Variants in RBFOX1 observed in about 807,000 individuals in gnomAD.
The protein encoded by RBFOX1 is RNA binding fox-1 homolog 1, also known as RNA binding protein fox-1 homolog 1.
In RBFOX1, 8 loss-of-function variants were observed where a neutral mutation model predicts 57.7. The ratio of observed to expected loss-of-function variants is 0.14; its 90% CI spans 0.08 to 0.25. The LOEUF (loss-of-function observed/expected upper bound fraction) is 0.25. Among genes scored for constraint, RBFOX1 ranks in the 10% least tolerant of loss-of-function variants. The pLI, the probability that RBFOX1 is intolerant of heterozygous loss-of-function variation, is 1.00. For synonymous variants in RBFOX1, 326 were observed against 222.4 expected, an observed-to-expected ratio of 1.47 and a Z score of -4.15; for missense variants, 611 against 548.5, an observed-to-expected ratio of 1.11 and a Z score of -1.14.
At chr16:6,264,637 T>C (rs949153710) in intron 1 of RBFOX1, among the ~76,000 whole-genome samples, 1 of 152,130 alleles carries the variant, frequency 6.6e-6, no homozygotes, top group East Asian at 1.9e-4. Context: ...TCCCCACCGC[T>C]AATGTGCTCT....
intron 3 of RBFOX1, among the ~76,000 whole-genome samples, chr16:6,866,224 C>T (rs1180384705): frequency 6.6e-6 from 1 of 152,004 alleles, no homozygotes; most frequent in Non-Finnish European, 1.5e-5. Context: ...GTCTTCTCAT[C>T]ATTTTTTAAG....
chr16:7,156,462 C>T (rs998869237), intron 4 of RBFOX1, among the ~76,000 whole-genome samples: 5 of 151,884 alleles, frequency 3.3e-5, no homozygotes, highest in African/African-American at 7.3e-5. Flanking sequence ...TGTACATATA[C>T]ATGCACATAT....
intron 4 of RBFOX1, among the ~76,000 whole-genome samples, chr16:7,476,139 T>C (rs961381604): frequency 3.3e-5 from 5 of 151,986 alleles, no homozygotes; most frequent in African/African-American, 1.2e-4. Flanking sequence ...CAAATTTTTG[T>C]AGTTTTTGTA....
At chr16:5,636,947 T>G (rs997013654) in intron 3 of RBFOX1, among the ~76,000 whole-genome samples, 1 of 152,178 alleles carries the variant, frequency 6.6e-6, no homozygotes, top group Non-Finnish European at 1.5e-5. Flanking sequence ...GGAGCCAGGA[T>G]TTGCCAGCGT....
chr16:5,708,928 A>G (rs2151499969), intron 3 of RBFOX1, among the ~76,000 whole-genome samples: 1 of 152,280 alleles, frequency 6.6e-6, no homozygotes, highest in African/African-American at 2.4e-5. Context: ...CAAGAAGAGG[A>G]ATGAAAACAA....
At chr16:6,993,922 C>T (rs1310868865) in intron 3 of RBFOX1, among the ~76,000 whole-genome samples, 1 of 152,112 alleles carries the variant, frequency 6.6e-6, no homozygotes, top group Admixed American at 6.6e-5. Context: ...TGATTGTAGC[C>T]AATAAGTGCC....
chr16:6,039,161 A>G (rs2095408652), intron 1 of RBFOX1, among the ~76,000 whole-genome samples: 1 of 151,950 alleles, frequency 6.6e-6, no homozygotes, highest in Non-Finnish European at 1.5e-5. Flanking sequence ...GCTGGGATGC[A>G]TGAGAGGGCA....
chr16:6,984,265 A>T (rs1178338440), intron 3 of RBFOX1, among the ~76,000 whole-genome samples: 1 of 152,044 alleles, frequency 6.6e-6, no homozygotes, highest in African/African-American at 2.4e-5. Context: ...AAATAAAATA[A>T]TCCTGGATCC....
intron 3 of RBFOX1, among the ~76,000 whole-genome samples, chr16:5,778,140 G>T (rs2054204980): frequency 6.6e-6 from 1 of 152,100 alleles, no homozygotes; most frequent in South Asian, 2.1e-4. Context: ...GATAAAAGAG[G>T]AGAAGTGTCT....
intron 4 of RBFOX1, among the ~76,000 whole-genome samples, chr16:7,463,503 CA>C (rs1567303533): frequency 1.3e-5 from 2 of 151,286 alleles, no homozygotes; most frequent in Non-Finnish European, 2.9e-5. Context: ...GACTTGGTCT[CA>C]AAAAAACAAA....
intron 3 of RBFOX1, among the ~76,000 whole-genome samples, chr16:6,900,588 G>T (rs538196045): frequency 6.6e-6 from 1 of 152,026 alleles, no homozygotes; most frequent in African/African-American, 2.4e-5. Context: ...GTCTTTTCCA[G>T]TTTTAGCAAT....
intron 10 of RBFOX1, among the ~76,000 whole-genome samples, chr16:7,610,437 G>C (rs2057262212): frequency 1.3e-5 from 2 of 151,630 alleles, no homozygotes; most frequent in South Asian, 4.2e-4. Context: ...CTATGATCAT[G>C]CTACTGCTCT....
intron 2 of RBFOX1, among the ~76,000 whole-genome samples, chr16:5,474,600 G>C (rs1030016710): frequency 4.6e-5 from 7 of 151,986 alleles, no homozygotes; most frequent in Middle Eastern, 3.2e-3. Context: ...GTTGCAGTGA[G>C]CTGAGATCGC....
At position 6,901,412 on chromosome 16, in the gene RBFOX1, G is replaced by A. The variant is rs181086649; in HGVS notation, c.-15-150645G>A. Among the ~76,000 whole-genome samples, 112 of 152,206 alleles carry A rather than the reference G, an allele frequency of 7.4e-4. 2 individuals are homozygous for A. The highest frequency in any genetic ancestry group is 7.2e-3 in the Admixed American group (110 of 15,296). On this transcript the variant is annotated intron_variant, in intron 3 of 15. Transcript: ENST00000550418. Reference sequence around the variant, plus strand: ...ACAGGACGTTCCTACTACCTTTGGGGAAGACAATAACACAGAGTCCAAGAG... The same window carrying A: ...ACAGGACGTTCCTACTACCTTTGGGAAAGACAATAACACAGAGTCCAAGAG...
At chr16:7,183,161 C>A (rs909740513) in intron 4 of RBFOX1, among the ~76,000 whole-genome samples, 1 of 152,128 alleles carries the variant, frequency 6.6e-6, no homozygotes, top group Non-Finnish European at 1.5e-5. Flanking sequence ...TTAGTTGAGG[C>A]AGAGTGGGTT....
chr16:5,950,664 G>T (rs2059501069), intron 4 of RBFOX1, among the ~76,000 whole-genome samples: 1 of 152,164 alleles, frequency 6.6e-6, no homozygotes, highest in African/African-American at 2.4e-5. Flanking sequence ...CACTTACCTG[G>T]CCAAGCTCTT....
intron 2 of RBFOX1, among the ~76,000 whole-genome samples, chr16:6,359,398 AG>A (rs1448655441): frequency 6.6e-6 from 1 of 152,148 alleles, no homozygotes. Flanking sequence ...TGGCCTAAAA[AG>A]GGTCTTTTTG....
At chr16:5,878,039 T>C (rs1249588886) in intron 4 of RBFOX1, among the ~76,000 whole-genome samples, 3 of 152,210 alleles carry the variant, frequency 2.0e-5, no homozygotes, top group African/African-American at 7.2e-5. Flanking sequence ...GGAGACTATA[T>C]ACACAGACAC....
At chr16:6,529,381 A>G (rs1394210758) in intron 2 of RBFOX1, among the ~76,000 whole-genome samples, 1 of 152,042 alleles carries the variant, frequency 6.6e-6, no homozygotes, top group Non-Finnish European at 1.5e-5. Context: ...CAACTTGGTG[A>G]TACCCCATCT....
Sources: gnomAD v4.1 joint callset for allele counts (sites outside exome capture counted in the v4.1 genomes callset) on GRCh38, gnomAD v4.1.1 for gene constraint, MANE v1.5 for transcripts, NCBI Gene and HGNC (gene_info 2026-07-23, HGNC 2026-07-21) for gene names.